EVL: variants seen among roughly 807,000 people sequenced by gnomAD.
EVL encodes the protein ena/VASP-like protein.
A neutral mutation model predicts 59.6 loss-of-function variants in EVL; 21 were observed. The observed-to-expected ratio is 0.35, with a 90% CI of 0.25 to 0.51. The LOEUF (loss-of-function observed/expected upper bound fraction) is 0.51, where lower values mean the gene tolerates loss of function less well. Ranked by LOEUF, EVL falls within the 20% of genes least tolerant of loss-of-function variation. EVL has a pLI of 0.97. For missense variants in EVL, 462 were observed against 546.6 expected, an observed-to-expected ratio of 0.85 and a Z score of 1.54; for synonymous variants, 198 against 203.5, an observed-to-expected ratio of 0.97 and a Z score of 0.23.
rs752767595 is a variant in EVL at position 100,114,949 on chromosome 14, G to T, written c.359-8590G>T. 1.3e-5 allele frequency among the ~76,000 whole-genome samples: 2 copies of T among 152,116 alleles called. No homozygotes were observed. The highest frequency in any genetic ancestry group is 2.9e-5 in the Non-Finnish European group (2 of 68,024). The stretch of plus-strand genomic sequence containing the variant: ...TGTTCCAGCAGCACCGTTCACTGGA[G>T]GCACATGACCTCGGGTAGCTTTTCC... On this transcript the variant is annotated intron_variant, in intron 3 of 13. Coordinates refer to ENST00000392920, the MANE Select transcript of EVL (RefSeq NM_016337.3). This position sits in a 1 kb window ranked among gnomAD's most constrained non-coding sequence, Gnocchi z 5.0.
intron 3 of EVL, among the ~76,000 whole-genome samples, chr14:100,119,538 G>T (rs577732906): frequency 2.6e-5 from 4 of 152,214 alleles, no homozygotes; most frequent in Non-Finnish European, 5.9e-5. Flanking sequence ...GCGCTCCACC[G>T]AGGGGACCAC....
upstream of EVL, among the ~76,000 whole-genome samples, chr14:100,062,104 C>T (rs545511535): frequency 3.6e-4 from 54 of 151,402 alleles, no homozygotes; most frequent in Middle Eastern, 3.4e-3. Flanking sequence ...TACCACTGTA[C>T]GCCGGCCTAC....
chr14:100,041,475 T>C (rs1351447296), intron 1 of EVL, among the ~76,000 whole-genome samples: 3 of 152,194 alleles, frequency 2.0e-5, no homozygotes, highest in African/African-American at 7.2e-5. Context: ...CAATTTCCTG[T>C]GGCCAAGACC....
At chr14:100,077,204 T>C (rs776472230) in intron 1 of EVL, among the ~76,000 whole-genome samples, 4 of 152,054 alleles carry the variant, frequency 2.6e-5, no homozygotes, top group African/African-American at 7.2e-5. Context: ...TAGGAGGCTG[T>C]GGTCTAAAAT....
At chr14:100,049,925 C>A (rs1447363806) in intron 1 of EVL, among the ~76,000 whole-genome samples, 3 of 152,284 alleles carry the variant, frequency 2.0e-5, no homozygotes, top group Middle Eastern at 3.4e-3. Flanking sequence ...TGACTGACTT[C>A]TTTCACGTAG....
In EVL at chr14:100,129,703, C is replaced by T. The variant is rs764843531; in HGVS notation, c.839+19C>T. On this transcript the variant is annotated intron_variant, in intron 7 of 13. Transcript: ENST00000392920. ...CCAAGAGGTGGGTCTCTACACCTCC[C>T]GAGACTTGGTGTGCCTAGCAGGAAG... is the stretch of plus-strand genomic sequence containing the variant. 77 of 1,539,356 alleles carry T rather than the reference C, an allele frequency of 5.0e-5. No individual in the cohort carries two copies. Among genetic ancestry groups the T allele is most frequent in the Admixed American group, 1.2e-4 (6 of 50,198 alleles).
intron 1 of EVL, among the ~76,000 whole-genome samples, chr14:100,051,771 A>T (rs1377107860): frequency 6.6e-6 from 1 of 152,206 alleles, no homozygotes; most frequent in Non-Finnish European, 1.5e-5. Context: ...TAAATTGGCG[A>T]GGGAGCCAGT....
chr14:100,097,454 C>G lies in EVL; in HGVS notation c.181-27C>G. 1.9e-6 allele frequency: 3 copies of G among 1,580,230 alleles called. No individual in the cohort carries two copies. The South Asian group carries it at 3.5e-5, about 18-fold the overall frequency. ...CTCACTTACATTTTATTTATTTACA[C>G]GTATTTCTCTCTCCTTTCTCCTCCA... On this transcript the variant is annotated intron_variant, in intron 2 of 13. Coordinates refer to ENST00000392920, the MANE Select transcript of EVL (RefSeq NM_016337.3).
At chr14:100,046,833 A>T (rs1362761121) in intron 1 of EVL, among the ~76,000 whole-genome samples, 7 of 148,726 alleles carry the variant, frequency 4.7e-5, no homozygotes, top group African/African-American at 1.7e-4. Context: ...GCTCACTGCA[A>T]CCTCCGCCTC....
At chr14:99,985,763 ATC>A (rs2060836048) in intron 1 of EVL, among the ~76,000 whole-genome samples, 1 of 138,806 alleles carries the variant, frequency 7.2e-6, no homozygotes, top group East Asian at 2.1e-4. Context: ...GCGAAGCTCC[ATC>A]TCAGAAAGAA....
chr14:100,093,873 G>A (rs1377066925), intron 2 of EVL, among the ~76,000 whole-genome samples: 1 of 152,022 alleles, frequency 6.6e-6, no homozygotes, highest in Non-Finnish European at 1.5e-5. Flanking sequence ...TAATTAAATG[G>A]GAAATTCCAG....
At position 100,049,006 on chromosome 14, in the gene EVL, T is replaced by C. The variant is rs1445412785; in HGVS notation, c.6-35681T>C. Among the ~76,000 whole-genome samples the C allele has an allele frequency of 3.3e-5, 5 of 152,302 alleles. 1 individual carries two copies. The South Asian group carries it at 8.3e-4, about 25-fold the overall frequency. On this transcript the variant is annotated intron_variant, in intron 1 of 13. Transcript: ENST00000402714. ...GTGATGGCACTCTTCTGCCTTCTGA[T>C]TGTGGTGGTGGTTACACCACCAATC...
chr14:100,070,292 C>T (rs2062022747), intron 1 of EVL, among the ~76,000 whole-genome samples: 1 of 152,064 alleles, frequency 6.6e-6, no homozygotes, highest in Non-Finnish European at 1.5e-5. Context: ...CAAGGGCCTA[C>T]AAAGTATCGT....
rs533239238 is a variant in EVL, at chr14:100,132,995, C to T, written c.900+216C>T. The stretch of plus-strand genomic sequence containing the variant: ...CCCTCACTGAGCACCCCCTACCAGA[C>T]ACTGCTCCACCCTTGGAGCTGCAGC... On this transcript the variant is annotated intron_variant, in intron 8 of 13. Coordinates refer to ENST00000392920, the MANE Select transcript of EVL (RefSeq NM_016337.3). 7.9e-5 allele frequency among the ~76,000 whole-genome samples: 12 copies of T among 152,338 alleles called. No homozygotes were observed. The East Asian group carries it at 2.1e-3, about 27-fold the overall frequency.
upstream of EVL, among the ~76,000 whole-genome samples, chr14:100,060,497 G>T (rs980017929): frequency 1.3e-5 from 2 of 151,890 alleles, no homozygotes; most frequent in Non-Finnish European, 2.9e-5. Flanking sequence ...AAAATTTACT[G>T]GATGAGACTA....
chr14:99,991,598 A>G (rs757325334), intron 1 of EVL, among the ~76,000 whole-genome samples: 1 of 152,218 alleles, frequency 6.6e-6, no homozygotes, highest in Non-Finnish European at 1.5e-5. Context: ...ACAGAATGCT[A>G]TAAATAGAAT....
intron 1 of EVL, among the ~76,000 whole-genome samples, chr14:100,001,116 T>G (rs1260515083): frequency 1.3e-5 from 2 of 152,202 alleles, no homozygotes; most frequent in African/African-American, 4.8e-5. Context: ...CACGTTACTC[T>G]GAAGTCCATG....
At chr14:100,078,961 GGA>G (rs2140292993) in intron 1 of EVL, among the ~76,000 whole-genome samples, 1 of 152,324 alleles carries the variant, frequency 6.6e-6, no homozygotes, top group East Asian at 1.9e-4. Context: ...CCAGTCCCAG[GGA>G]GAGAGAGTGA....
At chr14:100,015,305 A>G (rs1436108992) in intron 1 of EVL, among the ~76,000 whole-genome samples, 2 of 152,232 alleles carry the variant, frequency 1.3e-5, no homozygotes, top group Non-Finnish European at 2.9e-5. Flanking sequence ...GGTACCGGTT[A>G]AGCTGAGGAC....
Sources: gnomAD v4.1 joint callset for allele counts (sites outside exome capture counted in the v4.1 genomes callset) on GRCh38, gnomAD v4.1.1 for gene constraint, Gnocchi (gnomAD v3.1) non-coding constraint, MANE v1.5 for transcripts, NCBI Gene and HGNC (gene_info 2026-07-23, HGNC 2026-07-21) for gene names.